The following NAV2 variants were observed in gnomAD, a reference collection of about 807,000 sequenced individuals.
The protein encoded by NAV2 is helicase, APC down-regulated 1.
Under a neutral mutation model 223.2 loss-of-function variants are expected in NAV2, and 54 were observed. The ratio of observed to expected loss-of-function variants is 0.24; its 90% confidence interval spans 0.19 to 0.30. The LOEUF is 0.30. Ranked by LOEUF, NAV2 falls within the 10% of genes least tolerant of loss-of-function variation. The pLI is 1.00. For synonymous variants in NAV2, 1,279 were observed against 1,239.3 expected (o/e 1.03, Z -0.67); for missense variants, 2,806 against 3,147.5 (o/e 0.89, Z 2.60).
intron 3 of NAV2, among the ~76,000 whole-genome samples, chr11:19,853,856 AG>A (rs201358746): frequency 0.02 from 3,007 of 152,198 alleles, 95 homozygotes; most frequent in African/African-American, 0.07. Context: ...TGAGGACAGT[AG>A]TGGCATCTGT....
At chr11:19,387,820 C>A (rs896200347) in intron 1 of NAV2, among the ~76,000 whole-genome samples, 2 of 152,032 alleles carry the variant, frequency 1.3e-5, no homozygotes, top group African/African-American at 4.8e-5. Context: ...TTAAAAGTAG[C>A]ATTTACAGAA....
chr11:20,109,661 G>T (rs990056788), intron 36 of NAV2, among the ~76,000 whole-genome samples: 3 of 152,194 alleles, frequency 2.0e-5, no homozygotes, highest in Admixed American at 2.0e-4. Context: ...AACCCAAGCT[G>T]CTTAAGAAAA....
chr11:19,458,550 G>A (rs1158334435), intron 1 of NAV2, among the ~76,000 whole-genome samples: 2 of 152,192 alleles, frequency 1.3e-5, no homozygotes, highest in African/African-American at 4.8e-5. Flanking sequence ...TATGTGTCAG[G>A]CACTTGTCTA....
chr11:20,113,848 A>G (rs531755279), intron 36 of NAV2, among the ~76,000 whole-genome samples: 1 of 152,232 alleles, frequency 6.6e-6, no homozygotes, highest in East Asian at 1.9e-4. Flanking sequence ...ATCTCTTAAA[A>G]AAAAATGTTT....
At chr11:19,489,589 G>A (rs1242287802) in intron 1 of NAV2, among the ~76,000 whole-genome samples, 1 of 152,198 alleles carries the variant, frequency 6.6e-6, no homozygotes, top group Non-Finnish European at 1.5e-5. Context: ...CAGCTTGGAT[G>A]TCAGAAGTTA....
intron 1 of NAV2, among the ~76,000 whole-genome samples, chr11:19,494,604 G>A (rs555837515): frequency 2.6e-5 from 4 of 152,276 alleles, no homozygotes; most frequent in Admixed American, 6.5e-5. Context: ...AAATGTAGAC[G>A]TTCTCAACGC....
chr11:19,608,171 T>G (rs903354699), intron 1 of NAV2, among the ~76,000 whole-genome samples: 1 of 152,208 alleles, frequency 6.6e-6, no homozygotes, highest in African/African-American at 2.4e-5. Flanking sequence ...ATGAGAGGCT[T>G]GGGGACTGTT....
At chr11:19,918,690 A>T (rs1219001424) in intron 6 of NAV2, among the ~76,000 whole-genome samples, 1 of 152,152 alleles carries the variant, frequency 6.6e-6, no homozygotes, top group Non-Finnish European at 1.5e-5. Context: ...ATATTTTGTT[A>T]TCTTGAGTTT....
At chr11:19,969,262 C>T (rs1409924500) in intron 10 of NAV2, among the ~76,000 whole-genome samples, 2 of 152,132 alleles carry the variant, frequency 1.3e-5, no homozygotes, top group African/African-American at 4.8e-5. Context: ...TTCAGGATGC[C>T]TTAGGGTGTG....
At chr11:19,545,280 G>A (rs1790050370) in intron 1 of NAV2, among the ~76,000 whole-genome samples, 2 of 152,218 alleles carry the variant, frequency 1.3e-5, no homozygotes, top group African/African-American at 4.8e-5. Context: ...GCCTCCAGGG[G>A]AGCTTGGTTT....
chr11:20,006,289 G>C (rs2053063165), intron 11 of NAV2, among the ~76,000 whole-genome samples: 1 of 152,170 alleles, frequency 6.6e-6, no homozygotes, highest in Admixed American at 6.5e-5. Context: ...TGGAAAGCCA[G>C]GTTCCCACAG....
At chr11:19,430,857 C>T (rs887237432) in intron 1 of NAV2, among the ~76,000 whole-genome samples, 6 of 152,218 alleles carry the variant, frequency 3.9e-5, no homozygotes, top group African/African-American at 1.4e-4. Context: ...GACACAGCCT[C>T]TTACCCAGGG....
chr11:19,942,244 T>A (rs372813993), intron 8 of NAV2, among the ~76,000 whole-genome samples: 1 of 152,212 alleles, frequency 6.6e-6, no homozygotes, highest in Non-Finnish European at 1.5e-5. Flanking sequence ...ATTGGCAGTT[T>A]AGAACGTGAT....
intron 1 of NAV2, among the ~76,000 whole-genome samples, chr11:19,735,353 G>A (rs555643818): frequency 4.3e-4 from 66 of 152,326 alleles, no homozygotes; most frequent in African/African-American, 1.5e-3. Flanking sequence ...TTCCCTGCGA[G>A]CAGCTTTCTT....
Position 20,023,724 on chromosome 11 carries a change from G to GTGTGTGTA in NAV2, c.2769-12228_2769-12227insATGTGTGT, listed in dbSNP as rs1022087701. On this transcript the variant is annotated intron_variant, in intron 11 of 37. Transcript: ENST00000349880. Reference sequence around the variant, plus strand: ...GGTGTGTGTGTGTGTGTGTGTGTGTGTGTGTGTGTGTAAACTAGGCTCCAG... The same window carrying GTGTGTGTA: ...GGTGTGTGTGTGTGTGTGTGTGTGTGTGTGTGTATGTGTGTGTGTAAACTAGGCTCCAG... Among the ~76,000 whole-genome samples the GTGTGTGTA allele has an allele frequency of 5.6e-4, 85 of 152,028 alleles. 1 individual carries two copies. The highest frequency in any genetic ancestry group is 1.9e-3 in the African/African-American group (77 of 41,448).
At chr11:19,572,968 C>G (rs2045467298) in intron 1 of NAV2, among the ~76,000 whole-genome samples, 1 of 152,198 alleles carries the variant, frequency 6.6e-6, no homozygotes, top group African/African-American at 2.4e-5. Flanking sequence ...AACAGCATGC[C>G]TTTTGAAAAA....
intron 1 of NAV2, among the ~76,000 whole-genome samples, chr11:19,457,798 C>T (rs1181223017): frequency 6.6e-6 from 1 of 152,130 alleles, no homozygotes; most frequent in Admixed American, 6.5e-5. Flanking sequence ...GAGGGGAGAA[C>T]AGAGATGCAC....
chr11:19,973,600 C>T (rs924261943), intron 10 of NAV2, among the ~76,000 whole-genome samples: 4 of 152,154 alleles, frequency 2.6e-5, no homozygotes, highest in African/African-American at 9.7e-5. Context: ...TGAGATTAAG[C>T]GTGTGTGCTA....
intron 1 of NAV2, among the ~76,000 whole-genome samples, chr11:19,693,066 T>A (rs1279790001): frequency 6.6e-6 from 1 of 152,246 alleles, no homozygotes; most frequent in Non-Finnish European, 1.5e-5. Flanking sequence ...GGCTGGCACT[T>A]GCCAATTAAG....
Sources: allele counts gnomAD v4.1 joint callset (sites outside exome capture counted in the v4.1 genomes callset), GRCh38; gene constraint gnomAD v4.1.1; transcripts MANE v1.5; gene names NCBI Gene and HGNC (gene_info 2026-07-23, HGNC 2026-07-21).